IDUA: variants seen among roughly 807,000 people sequenced by gnomAD.
IDUA encodes alpha-L-iduronidase.
Under a neutral mutation model 68.9 loss-of-function variants are expected in IDUA, and 65 were observed. That is an observed-to-expected ratio of 0.94 (90% CI 0.77 to 1.16). The LOEUF is 1.16. Ranked by LOEUF, IDUA falls within the 50% of genes most tolerant of loss-of-function variation. The pLI is 0.00. For missense variants in IDUA, 1,046 were observed against 938.0 expected, an observed-to-expected ratio of 1.12 and a Z score of -1.50; for synonymous variants, 529 against 433.6, an observed-to-expected ratio of 1.22 and a Z score of -2.73.
In IDUA at chr4:1,002,017, G is replaced by C. The variant is rs779448832; in HGVS notation, c.828G>C (p.Glu276Asp). The change falls in exon 7 of 14, where the codon GAG becomes GAC. Residue 276 changes from glutamate (E) to aspartate (D), a missense_variant. By Grantham distance (45) the Glu-to-Asp change is conservative (BLOSUM62 2). Transcript: ENST00000514224. ...GCTCCATCTCCATCCTGGAGCAGGA[G>C]AAGGTCGTCGCGCAGCAGATCCGGC... Reference protein sequence around the residue: ...ARSSISILEQEKVVAQQIRQL... With the variant: ...ARSSISILEQDKVVAQQIRQL... 6.3e-7 allele frequency: 1 copy of C among 1,597,052 alleles called. No homozygotes were observed. Among genetic ancestry groups the C allele is most frequent in the Admixed American group, 1.8e-5 (1 of 56,910 alleles).
At chr4:996,128 T>A (rs1277731528) in intron 2 of IDUA, among the ~76,000 whole-genome samples, 1 of 152,190 alleles carries the variant, frequency 6.6e-6, no homozygotes, top group Non-Finnish European at 1.5e-5. Flanking sequence ...AGCCCTTGCT[T>A]CCACCCCAGC....
Position 1,000,946 on chromosome 4 carries a change from T to C in IDUA, c.450T>C (p.Phe150=), listed in dbSNP as rs1230099124. 6.2e-7 allele frequency: 1 copy of C among 1,613,436 alleles called. No homozygotes were observed. Among genetic ancestry groups the C allele is most frequent in the Admixed American group, 1.7e-5 (1 of 60,018 alleles). ...ACTTTGAGGACAAGCAGCAGGTGTTTGAGTGGAAGGACTTGGTCTCCAGCC... is the reference window on the plus strand; with the variant it reads ...ACTTTGAGGACAAGCAGCAGGTGTTCGAGTGGAAGGACTTGGTCTCCAGCC... The part of the protein sequence containing the change: ...FTDFEDKQQV[F]EWKDLVSSLA... The change falls in exon 4 of 14, where the codon TTT becomes TTC. Residue 150 remains phenylalanine (F), a synonymous_variant. Transcript: ENST00000514224.
intron 1 of IDUA, 149 bp from the exon 2 acceptor site, chr4:987,660 C>T (rs1311973722): frequency 3.0e-5 from 44 of 1,467,438 alleles, no homozygotes; most frequent in Non-Finnish European, 3.8e-5. Context: ...CCCCACATTC[C>T]TGGCCCTAAG....
rs937701975 is a variant in IDUA, at chr4:987,539, C to T, written c.159-270C>T. ...GCAGCGGGACCTGGCCTGCCTGTCC[C>T]ATTCCTTCCACCTAGAGCTGAGGTA... On this transcript the variant is annotated intron_variant, in intron 1 of 13. Coordinates refer to ENST00000514224, the MANE Select transcript of IDUA (RefSeq NM_000203.5). 1.7e-5 allele frequency: 18 copies of T among 1,088,942 alleles called. No individual in the cohort carries two copies. The African/African-American group carries it at 2.4e-4, about 14-fold the overall frequency. The allele number at this position is 1,088,942 out of a possible 1,614,324, so 67.5% of individuals were successfully genotyped here.
At chr4:997,223 C>G (rs1714790506) in intron 2 of IDUA, among the ~76,000 whole-genome samples, 1 of 152,112 alleles carries the variant, frequency 6.6e-6, no homozygotes, top group Non-Finnish European at 1.5e-5. Flanking sequence ...CCCGCACCCT[C>G]TAGCACCTGT....
chr4:993,427 A>T (rs1316805161), intron 2 of IDUA: 1 of 152,278 alleles, frequency 6.6e-6, no homozygotes, highest in Non-Finnish European at 1.5e-5. Context: ...GCCAACCTGC[A>T]GGCAGTGGTC....
intron 12 of IDUA, 183 bp from the exon 13 acceptor site, chr4:1,003,829 A>G (rs985473671): frequency 2.3e-5 from 18 of 781,132 alleles, no homozygotes; most frequent in Non-Finnish European, 3.5e-5. Context: ...CCTAGGGGAC[A>G]TGAGATGGAC....
rs2153015687 is a variant in IDUA at position 987,917 on chromosome 4, G to A, written c.267G>A (p.Arg89=). 1.1e-5 allele frequency: 18 copies of A among 1,601,300 alleles called. No individual in the cohort carries two copies. The highest frequency in any genetic ancestry group is 1.5e-5 in the Non-Finnish European group (18 of 1,174,594). ...AVPHRGIKQV[R]THWLLELVTT... is the part of the protein sequence containing the mutation. Reference sequence around the variant, plus strand: ...CTCACCGCGGCATCAAGCAGGTCCGGACCCACTGGCTGCTGGAGCTTGTCA... The same window carrying A: ...CTCACCGCGGCATCAAGCAGGTCCGAACCCACTGGCTGCTGGAGCTTGTCA... The change falls in exon 2 of 14, where the codon CGG becomes CGA. Residue 89 remains arginine, a synonymous_variant. Coordinates refer to ENST00000514224, the MANE Select transcript of IDUA (RefSeq NM_000203.5).
intron 2 of IDUA, chr4:991,086 G>C: frequency 6.6e-7 from 1 of 1,505,448 alleles, no homozygotes; most frequent in East Asian, 2.3e-5. Flanking sequence ...CCTAAGGGGG[G>C]GTGCCCTGGG....
At chr4:990,335 A>G in intron 2 of IDUA, 1 of 1,603,448 alleles carries the variant, frequency 6.2e-7, no homozygotes, top group African/African-American at 1.3e-5. Flanking sequence ...GCGGACACGA[A>G]GCCCAGCCGG....
In IDUA at chr4:1,002,917, CG is replaced by C; in HGVS notation, c.1377del (p.Leu460CysfsTer65). ...CAACCGCAGCGTCGCGGTGACCCTGCGGCTGCGCGGGGTGCCCCCCGGCCCG... is the reference window on the plus strand; with the variant it reads ...CAACCGCAGCGTCGCGGTGACCCTGCGCTGCGCGGGGTGCCCCCCGGCCCG... ...HPNRSVAVTL[R>X]LRGVPPGPGL... On this transcript the variant is annotated frameshift_variant, in exon 9 of 14. Coordinates refer to ENST00000514224, the MANE Select transcript of IDUA (RefSeq NM_000203.5). LOFTEE classifies it high-confidence loss of function. 3 of 1,372,638 alleles carry C rather than the reference CG, an allele frequency of 2.2e-6. No homozygotes were observed. Among genetic ancestry groups the C allele is most frequent in the Non-Finnish European group, 2.8e-6 (3 of 1,069,954 alleles). 85.0% of individuals were successfully genotyped at this position (1,372,638 alleles called of 1,614,324 possible).
chr4:991,656 C>T lies in IDUA; in HGVS notation c.299+3707C>T, dbSNP rs761659699. The stretch of plus-strand genomic sequence containing the variant: ...GGGGTGCTGGGCGCTGCCGTCGGAC[C>T]GGCACCGGCCCTCTGCCCTGCTGCA... On this transcript the variant is annotated intron_variant, in intron 2 of 13. Transcript: ENST00000514224. 17 of 1,546,770 alleles carry T rather than the reference C, an allele frequency of 1.1e-5. No homozygotes were observed. Among genetic ancestry groups the T allele is most frequent in the African/African-American group, 1.4e-5 (1 of 73,802 alleles).
intron 2 of IDUA, chr4:988,356 A>T (rs1239862770): frequency 9.2e-6 from 10 of 1,081,858 alleles, no homozygotes; most frequent in Non-Finnish European, 1.1e-5. Context: ...ACGAGGTGTG[A>T]GGGGCACTTG....
Position 987,162 on chromosome 4 carries a change from C to G in IDUA, c.78C>G (p.Ala26=). ...SLLAAPPVAP[A]EAPHLVHVDA... Reference sequence around the variant, plus strand: ...TGGCCGCGCCCCCGGTGGCCCCGGCCGAGGCCCCGCACCTGGTGCATGTGG... The same window carrying G: ...TGGCCGCGCCCCCGGTGGCCCCGGCGGAGGCCCCGCACCTGGTGCATGTGG... The change falls in exon 1 of 14, where the codon GCC becomes GCG. Residue 26 remains alanine, a synonymous_variant. Transcript: ENST00000514224. 4 of 1,432,598 alleles carry G rather than the reference C, an allele frequency of 2.8e-6. No homozygotes were observed. The highest frequency in any genetic ancestry group is 2.7e-6 in the Non-Finnish European group (3 of 1,098,944). The allele number at this position is 1,432,598 out of a possible 1,614,324, so 88.7% of individuals were successfully genotyped here. A position where few individuals can be genotyped will look rare whatever the true frequency, so the allele number is the denominator to read the frequency against.
At chr4:997,108 G>C (rs1481851143) in intron 2 of IDUA, among the ~76,000 whole-genome samples, 2 of 152,180 alleles carry the variant, frequency 1.3e-5, no homozygotes, top group African/African-American at 4.8e-5. Context: ...CCCACCCGTG[G>C]GAAGAAGCCC....
At position 989,155 on chromosome 4, in the gene IDUA, G is replaced by A. The variant is rs776291082; in HGVS notation, c.299+1206G>A. Reference sequence around the variant, plus strand: ...CACCAGCGCAGCCCTGGTGCTAACCGGGCCCAGGTCCTCGCCCTGGGCAGG... The same window carrying A: ...CACCAGCGCAGCCCTGGTGCTAACCAGGCCCAGGTCCTCGCCCTGGGCAGG... On this transcript the variant is annotated intron_variant, in intron 2 of 13. Coordinates refer to ENST00000514224, the MANE Select transcript of IDUA (RefSeq NM_000203.5). 44 of 1,607,086 alleles carry A rather than the reference G, an allele frequency of 2.7e-5. 1 individual carries two copies. Among genetic ancestry groups the A allele is most frequent in the South Asian group, 3.3e-5 (3 of 90,612 alleles).
In IDUA at chr4:991,089, G is replaced by T. The variant is rs1480301480; in HGVS notation, c.299+3140G>T. 2.0e-6 allele frequency: 3 copies of T among 1,508,102 alleles called. No individual in the cohort carries two copies. In the Admixed American group the frequency reaches 6.7e-5, roughly 34 times the overall value. 93.4% of individuals were successfully genotyped at this position (1,508,102 alleles called of 1,614,324 possible). ...GGATGGCCAAAACCTAAGGGGGGGT[G>T]CCCTGGGCCCCTCCCTGTGCCCAAG... On this transcript the variant is annotated intron_variant, in intron 2 of 13. Transcript: ENST00000514224.
At chr4:987,311 A>T (rs1404325072) in intron 1 of IDUA, 69 bp downstream of exon 1, 5 of 1,383,848 alleles carry the variant, frequency 3.6e-6, no homozygotes, top group African/African-American at 1.5e-5. Context: ...CTGACTGCGC[A>T]CTGTGAGAGC....
Position 1,004,373 on chromosome 4 carries a change from C to T in IDUA, c.1942C>T (p.Pro648Ser), listed in dbSNP as rs754403276. 3.1e-6 allele frequency: 5 copies of T among 1,610,988 alleles called. No homozygotes were observed. The highest frequency in any genetic ancestry group is 4.2e-6 in the Non-Finnish European group (5 of 1,179,962). The change falls in exon 14 of 14, where the codon CCA becomes TCA. Residue 648 changes from proline to serine, a missense_variant. By Grantham distance (74) the Pro-to-Ser change is moderately conservative. Transcript: ENST00000514224. The surrounding 1 kb of genome is among the most constrained non-coding windows in gnomAD (Gnocchi z 5.0). ...GGAGGTCCCTGTGCCAAGAGGGCCC[C>T]CATCCCCGGGCAATCCATGAGCCTG... ...YLEVPVPRGP[P>S]SPGNP
Sources: gnomAD v4.1 joint callset for allele counts (sites outside exome capture counted in the v4.1 genomes callset) on GRCh38, gnomAD v4.1.1 for gene constraint, Gnocchi (gnomAD v3.1) non-coding constraint, MANE v1.5 for transcripts, NCBI Gene and HGNC (gene_info 2026-07-23, HGNC 2026-07-21) for gene names.